TMEM114: variants seen among roughly 807,000 people sequenced by gnomAD.
The protein encoded by TMEM114 is transmembrane protein 114, also known as claudin-26.
TMEM114 carries 6 observed loss-of-function variants against 6.2 expected under a neutral mutation model. The ratio of observed to expected loss-of-function variants is 0.97; its 90% CI spans 0.53 to 1.91. TMEM114 has a LOEUF of 1.91. Ranked by LOEUF, TMEM114 falls within the 40% of genes most tolerant of loss-of-function variation. The probability of loss-of-function intolerance (pLI) is 0.01; values close to 1 mark genes in which losing one functional copy is unlikely to be tolerated. For missense variants in TMEM114, 218 were observed against 158.3 expected (o/e 1.38, Z -2.02); for synonymous variants, 104 against 73.0 (o/e 1.42, Z -2.16).
chr16:8,564,205 GT>G, intron 2 of TMEM114, among the ~76,000 whole-genome samples: 1 of 143,170 alleles, frequency 7.0e-6, no homozygotes, highest in Admixed American at 7.0e-5. Context: ...GAGTGAGTGG[GT>G]GAATGAGTGA....
chr16:8,572,133 T>C lies in TMEM114; in HGVS notation c.393A>G (p.Gln131=), dbSNP rs375051150. The C allele has an allele frequency of 7.3e-5, 114 of 1,551,476 alleles. 1 individual carries two copies. The South Asian group carries it at 1.3e-3, about 18-fold the overall frequency. ...GMTGFLSFLL[Q]AYLLLLLTGI... ...CAGTGAGCAGGAGGAGGAGGTAGGC[T>C]TGGAGGAGGAAGCTCAGAAACCCCG... The change falls in exon 3 of 4, where the codon CAA becomes CAG. Residue 131 remains glutamine, a synonymous_variant. Coordinates refer to ENST00000620492, the MANE Select transcript of TMEM114 (RefSeq NM_001146336.2).
intron 2 of TMEM114, among the ~76,000 whole-genome samples, chr16:8,562,525 T>TGAG (rs879312768): frequency 2.9e-4 from 40 of 138,204 alleles, no homozygotes; most frequent in Admixed American, 1.9e-3. Context: ...AATGAGTGAG[T>TGAG]TAATGAGTGA....
chr16:8,569,839 G>C lies in TMEM114; in HGVS notation c.606C>G (p.Thr202=). ...GWISFIAELL[T]GAAFLAAARE... ...GGGCTGCTGCCAGGAAGGCTGCCCC[G>C]GTGAGCAGCTCGGCGATGAAGCTGA... is the stretch of plus-strand genomic sequence containing the variant. The change falls in exon 4 of 4, where the codon ACC becomes ACG. Residue 202 remains threonine, a synonymous_variant. Coordinates refer to ENST00000620492, the MANE Select transcript of TMEM114 (RefSeq NM_001146336.2). 1.3e-6 allele frequency: 2 copies of C among 1,551,026 alleles called. No individual in the cohort carries two copies.
the TMEM114 span, among the ~76,000 whole-genome samples, chr16:8,531,547 G>C: frequency 6.6e-6 from 1 of 152,216 alleles, no homozygotes; most frequent in African/African-American, 2.4e-5. Context: ...AGCAGAGGTA[G>C]AAGGGCCTCT....
chr16:8,562,938 TAGTGAGTAAATG>T (rs1165025620), intron 2 of TMEM114, among the ~76,000 whole-genome samples: 5 of 38,220 alleles, frequency 1.3e-4, no homozygotes, highest in Admixed American at 1.3e-3. Flanking sequence ...GTGAGTGAAT[TAGTGAGTAAATG>T]AGTGAGTGAA....
chr16:8,540,735 C>G (rs777672828), intron 2 of TMEM114, among the ~76,000 whole-genome samples: 3 of 152,194 alleles, frequency 2.0e-5, no homozygotes, highest in Non-Finnish European at 4.4e-5. Flanking sequence ...TTGGAGCTTA[C>G]AGACTGGTGG....
chr16:8,540,745 G>A (rs1900494019), intron 2 of TMEM114, among the ~76,000 whole-genome samples: 1 of 152,178 alleles, frequency 6.6e-6, no homozygotes, highest in African/African-American at 2.4e-5. Flanking sequence ...CAGACTGGTG[G>A]GAGAGATGGA....
downstream of TMEM114, among the ~76,000 whole-genome samples, chr16:8,564,505 GTAAA>G (rs150830057): frequency 8.0e-3 from 1,095 of 136,508 alleles, 66 homozygotes; most frequent in Middle Eastern, 0.016. Context: ...GAATGAGTGA[GTAAA>G]TGAGTGAGTG....
intron 2 of TMEM114, among the ~76,000 whole-genome samples, chr16:8,549,619 T>A (rs1466285961): frequency 6.6e-6 from 1 of 152,130 alleles, no homozygotes; most frequent in Non-Finnish European, 1.5e-5. Context: ...GATATCATGT[T>A]TTCCTTCGTG....
At chr16:8,550,825 C>A (rs534813791) in intron 2 of TMEM114, among the ~76,000 whole-genome samples, 83 of 152,230 alleles carry the variant, frequency 5.5e-4, no homozygotes, top group Non-Finnish European at 2.9e-5. Flanking sequence ...TAGAGAGATT[C>A]ATCCCCTTCT....
chr16:8,556,458 G>A (rs1029029415), intron 2 of TMEM114, among the ~76,000 whole-genome samples: 5 of 152,200 alleles, frequency 3.3e-5, no homozygotes, highest in Non-Finnish European at 1.5e-5. Flanking sequence ...CACTGTGCAT[G>A]TACTGAATGC....
At chr16:8,548,180 C>A (rs532451746) in intron 2 of TMEM114, among the ~76,000 whole-genome samples, 1 of 152,140 alleles carries the variant, frequency 6.6e-6, no homozygotes, top group African/African-American at 2.4e-5. Flanking sequence ...ACGGTGGGAC[C>A]CTGACTGAGC....
chr16:8,579,314 G>A (rs934417162), intron 2 of TMEM114, among the ~76,000 whole-genome samples: 2 of 152,132 alleles, frequency 1.3e-5, no homozygotes, highest in Admixed American at 1.3e-4. Context: ...AAAAGAAGAA[G>A]GTCCCAGGAT....
the TMEM114 span, chr16:8,526,750 A>G: frequency 3.3e-5 from 5 of 152,306 alleles, no homozygotes; most frequent in African/African-American, 9.6e-5. Flanking sequence ...CTTTATAGCA[A>G]TGCAAGAGCA....
intron 2 of TMEM114, among the ~76,000 whole-genome samples, chr16:8,541,124 A>C (rs1466692644): frequency 6.6e-6 from 1 of 152,000 alleles, no homozygotes; most frequent in African/African-American, 2.4e-5. Flanking sequence ...CATATATTGA[A>C]CTCTTGCTAT....
At chr16:8,589,533 G>A (rs1902418536) in intron 1 of TMEM114, 86 bp downstream of exon 1, 4 of 398,288 alleles carry the variant, frequency 1.0e-5, no homozygotes, top group African/African-American at 8.2e-5. Context: ...GGAGGAGTGC[G>A]CGCCAAGCAA....
chr16:8,563,390 T>G (rs1345164477), intron 2 of TMEM114, among the ~76,000 whole-genome samples: 1 of 148,340 alleles, frequency 6.7e-6, no homozygotes, highest in Admixed American at 6.7e-5. Context: ...AATGAGTGAG[T>G]GAATGAGTAA....
At chr16:8,572,500 A>G (rs1901769754) in intron 2 of TMEM114, among the ~76,000 whole-genome samples, 1 of 152,142 alleles carries the variant, frequency 6.6e-6, no homozygotes, top group Non-Finnish European at 1.5e-5. Context: ...CAGTGGCACG[A>G]CCATGGCTCA....
At chr16:8,557,479 G>T (rs1335594305) in intron 2 of TMEM114, among the ~76,000 whole-genome samples, 1 of 152,158 alleles carries the variant, frequency 6.6e-6, no homozygotes, top group African/African-American at 2.4e-5. Flanking sequence ...CATGAAAGAG[G>T]ACAAACCACA....
Sources: allele counts gnomAD v4.1 joint callset (sites outside exome capture counted in the v4.1 genomes callset), GRCh38; gene constraint gnomAD v4.1.1; transcripts MANE v1.5; gene names NCBI Gene and HGNC (gene_info 2026-07-23, HGNC 2026-07-21).